Variants in PPP4R1 observed in about 807,000 individuals in gnomAD.
The protein encoded by PPP4R1 is protein phosphatase 4 regulatory subunit 1.
PPP4R1 carries 42 observed loss-of-function variants against 111.2 expected under a neutral mutation model. The ratio of observed to expected loss-of-function variants is 0.38; its 90% CI spans 0.29 to 0.49. The LOEUF (loss-of-function observed/expected upper bound fraction) is 0.49. PPP4R1 is among the 20% of genes least tolerant of loss of function. PPP4R1 has a pLI of 0.97. For missense variants in PPP4R1, 1,012 were observed against 1,161.6 expected (o/e 0.87, Z 1.87); for synonymous variants, 409 against 405.5 (o/e 1.01, Z -0.10).
rs1199992429 is a variant in PPP4R1 at position 9,614,326 on chromosome 18, G to GC, written c.8-57dup. On this transcript the variant is annotated intron_variant, in intron 1 of 19. Coordinates refer to ENST00000400556, the MANE Select transcript of PPP4R1 (RefSeq NM_001042388.3). The surrounding 1 kb of genome is among the most constrained non-coding windows in gnomAD (Gnocchi z 4.1). ...TCAGCGCCCCGGGGCCCGGCGCGAC[G>GC]CCCCCCCCCCGCCCGCCTCCCCCCC... 0.019 allele frequency: 17,335 copies of GC among 914,048 alleles called. 4 individuals carry two copies. Among genetic ancestry groups the GC allele is most frequent in the South Asian group, 0.034 (755 of 21,978 alleles). The allele number at this position is 914,048 out of a possible 1,614,324, so 56.6% of individuals were successfully genotyped here.
At chr18:9,578,937 CTTAAT>C (rs1246393748) in intron 9 of PPP4R1, among the ~76,000 whole-genome samples, 1 of 152,120 alleles carries the variant, frequency 6.6e-6, no homozygotes, top group Non-Finnish European at 1.5e-5. Flanking sequence ...ACATAGAAAA[CTTAAT>C]TTATCTAAAT....
At chr18:9,576,627 C>T (rs965378834) in intron 10 of PPP4R1, among the ~76,000 whole-genome samples, 1 of 151,918 alleles carries the variant, frequency 6.6e-6, no homozygotes, top group Non-Finnish European at 1.5e-5. Flanking sequence ...AATTATTTGA[C>T]AGAAAAGGAC....
At chr18:9,555,364 T>C (rs1485777581) in intron 15 of PPP4R1, among the ~76,000 whole-genome samples, 1 of 152,048 alleles carries the variant, frequency 6.6e-6, no homozygotes, top group Non-Finnish European at 1.5e-5. Flanking sequence ...AAAATCACTC[T>C]TTCACAACCA....
At chr18:9,574,694 C>A (rs1355735499) in intron 10 of PPP4R1, among the ~76,000 whole-genome samples, 1 of 152,084 alleles carries the variant, frequency 6.6e-6, no homozygotes, top group East Asian at 1.9e-4. Context: ...ATGATAGATG[C>A]CAATATGTAG....
chr18:9,557,870 C>G (rs1758704453), intron 14 of PPP4R1, among the ~76,000 whole-genome samples: 1 of 152,200 alleles, frequency 6.6e-6, no homozygotes, highest in Non-Finnish European at 1.5e-5. Context: ...GCACATGGAC[C>G]AAAGGATCTC....
intron 2 of PPP4R1, among the ~76,000 whole-genome samples, chr18:9,601,739 C>T (rs976100763): frequency 3.3e-5 from 5 of 152,102 alleles, no homozygotes; most frequent in Non-Finnish European, 5.9e-5. Context: ...GTGATCCGCC[C>T]GCCCTGGCCT....
chr18:9,584,655 T>A, intron 7 of PPP4R1, 66 bp downstream of exon 7: 1 of 1,601,924 alleles, frequency 6.2e-7, no homozygotes, highest in Non-Finnish European at 8.5e-7. Context: ...TTAAATATCA[T>A]GTATCAGTAC....
rs1284669543 is a variant in PPP4R1, at chr18:9,583,188, T to C, written c.847A>G (p.Thr283Ala). 1.9e-6 allele frequency: 3 copies of C among 1,612,130 alleles called. No homozygotes were observed. Among genetic ancestry groups the C allele is most frequent in the East Asian group, 2.2e-5 (1 of 44,826 alleles). ...TTGGTCCGTCGGATTTCTTGACATG[T>C]TGCACATGAAACCGCCATGAAGCAT... is the stretch of plus-strand genomic sequence containing the variant. ...AECFMAVSCA[T>A]CQEIRRTKLS... Residue 283 changes from threonine to alanine, a missense_variant, in exon 9 of 20, where the codon ACA becomes GCA. Thr to Ala is a moderately conservative substitution (Grantham distance 58). This residue lies in a region of PPP4R1 where 707 missense variants were observed against 742.1 expected (regional missense o/e 0.95). Transcript: ENST00000400556.
At chr18:9,592,559 T>C (rs1396142686) in intron 4 of PPP4R1, among the ~76,000 whole-genome samples, 1 of 152,136 alleles carries the variant, frequency 6.6e-6, no homozygotes, top group Non-Finnish European at 1.5e-5. Context: ...TAGAACCTGG[T>C]ATAGAGTATG....
chr18:9,581,831 C>T (rs149428739), intron 9 of PPP4R1, among the ~76,000 whole-genome samples: 19 of 151,960 alleles, frequency 1.3e-4, no homozygotes, highest in African/African-American at 4.1e-4. Flanking sequence ...AAGCAACAAG[C>T]GAAAAATGAC....
chr18:9,614,158 C>A lies in PPP4R1; in HGVS notation c.52+68G>T. On this transcript the variant is annotated intron_variant, in intron 2 of 19. Coordinates refer to ENST00000400556, the MANE Select transcript of PPP4R1 (RefSeq NM_001042388.3). This position sits in a 1 kb window ranked among gnomAD's most constrained non-coding sequence, Gnocchi z 4.1. ...GCCAGCCAGGGCCCGGCCCAGGCCT[C>A]GCCGCCGCCCGCCCTCCCCGGCCGC... is the stretch of plus-strand genomic sequence containing the variant. 8.0e-7 allele frequency: 1 copy of A among 1,254,610 alleles called. No individual in the cohort carries two copies. The highest frequency in any genetic ancestry group is 1.0e-6 in the Non-Finnish European group (1 of 982,568). 77.7% of individuals were successfully genotyped at this position (1,254,610 alleles called of 1,614,324 possible).
chr18:9,597,325 C>A lies in PPP4R1; in HGVS notation c.53-2172G>T, dbSNP rs533274120. On this transcript the variant is annotated intron_variant, in intron 2 of 19. Transcript: ENST00000400556. ...GTCCAAATATAATCCCAGCAGACTC[C>A]TGGAGTTGAGGAGACAGAGTTGAGA... Among the ~76,000 whole-genome samples, 6 of 152,202 alleles carry A rather than the reference C, an allele frequency of 3.9e-5. No homozygotes were observed. The South Asian group carries it at 8.3e-4, about 21-fold the overall frequency.
intron 11 of PPP4R1, among the ~76,000 whole-genome samples, chr18:9,566,636 G>A (rs1215482789): frequency 7.0e-6 from 1 of 142,830 alleles, no homozygotes; most frequent in Non-Finnish European, 1.5e-5. Context: ...GGGTGACGGA[G>A]TGAGGCGCTG....
At chr18:9,549,104 G>A (rs2066447325) in intron 19 of PPP4R1, 93 bp downstream of exon 19, 1 of 1,449,918 alleles carries the variant, frequency 6.9e-7, no homozygotes, top group South Asian at 1.2e-5. Context: ...TCTCTGAGCA[G>A]ACAATACTTC....
At chr18:9,562,137 C>A in intron 12 of PPP4R1, 62 bp from the exon 13 acceptor site, 1 of 1,274,256 alleles carries the variant, frequency 7.8e-7, no homozygotes, top group South Asian at 1.2e-5. Context: ...TTTAAGCTAT[C>A]TTACTAAGTT....
At chr18:9,579,182 TTGAG>T (rs2066986160) in intron 9 of PPP4R1, among the ~76,000 whole-genome samples, 1 of 152,172 alleles carries the variant, frequency 6.6e-6, no homozygotes, top group African/African-American at 2.4e-5. Flanking sequence ...CTGCCTGTAA[TTGAG>T]TAATTTTCCA....
At chr18:9,571,036 T>C (rs547486987) in intron 10 of PPP4R1, among the ~76,000 whole-genome samples, 6 of 152,322 alleles carry the variant, frequency 3.9e-5, no homozygotes, top group African/African-American at 1.4e-4. Flanking sequence ...CATTTTAAGA[T>C]ACATAACAAC....
At chr18:9,594,042 C>G in intron 3 of PPP4R1, 168 bp from the exon 4 acceptor site, 1 of 559,412 alleles carries the variant, frequency 1.8e-6, no homozygotes, top group Admixed American at 2.8e-5. Flanking sequence ...ATCCTCCCAC[C>G]TCAGCCTCCT....
intron 2 of PPP4R1, among the ~76,000 whole-genome samples, chr18:9,602,830 G>A (rs1486110567): frequency 1.2e-4 from 15 of 123,512 alleles, no homozygotes; most frequent in African/African-American, 3.0e-4. Flanking sequence ...CAAAAAAAAA[G>A]TTGGGCCCAC....
Sources: allele counts gnomAD v4.1 joint callset (sites outside exome capture counted in the v4.1 genomes callset), GRCh38; gene constraint gnomAD v4.1.1; regional missense constraint gnomAD v4.1.1; non-coding constraint Gnocchi (gnomAD v3.1); transcripts MANE v1.5; gene names NCBI Gene and HGNC (gene_info 2026-07-23, HGNC 2026-07-21).